Variants in APLP2 observed in about 807,000 individuals in gnomAD.
The protein encoded by APLP2 is amyloid beta precursor like protein 2.
Under a neutral mutation model 89.9 loss-of-function variants are expected in APLP2, and 53 were observed. The observed-to-expected ratio is 0.59, with a 90% CI of 0.47 to 0.74. The LOEUF is 0.74. APLP2 is among the 30% of genes least tolerant of loss of function. The pLI is 0.00. For missense variants in APLP2, 973 were observed against 975.9 expected, an observed-to-expected ratio of 1.00 and a Z score of 0.04; for synonymous variants, 372 against 348.6, an observed-to-expected ratio of 1.07 and a Z score of -0.75.
intron 1 of APLP2, among the ~76,000 whole-genome samples, chr11:130,093,181 C>T (rs373864001): frequency 2.6e-5 from 4 of 152,194 alleles, no homozygotes; most frequent in East Asian, 3.8e-4. Flanking sequence ...AGGCAAAGGC[C>T]GCTCTTGACC....
chr11:130,108,733 G>A (rs762191430), intron 1 of APLP2: 3 of 152,204 alleles, frequency 2.0e-5, no homozygotes, highest in Non-Finnish European at 4.4e-5. Context: ...TATAAATCAT[G>A]CTGCTATAAA....
rs189678200 is a variant in APLP2, at chr11:130,131,211, G to C, written c.1584+1045G>C. Among the ~76,000 whole-genome samples, 4 of 152,274 alleles carry C rather than the reference G, an allele frequency of 2.6e-5. No homozygotes were observed. The East Asian group carries it at 5.8e-4, about 22-fold the overall frequency. On this transcript the variant is annotated intron_variant, in intron 11 of 16. Coordinates refer to ENST00000338167, the MANE Select transcript of APLP2 (RefSeq NM_001142276.2). ...CCTCCCGGGTTCAAATGATTCTCTT[G>C]CTTCAGCCTCCCAAGTAGCTGGGAT...
intron 3 of APLP2, among the ~76,000 whole-genome samples, chr11:130,117,008 G>A (rs561790009): frequency 5.9e-5 from 9 of 152,146 alleles, no homozygotes; most frequent in Middle Eastern, 3.4e-3. Flanking sequence ...GCGAACGCCT[G>A]TAATGTCAGT....
intron 1 of APLP2, among the ~76,000 whole-genome samples, chr11:130,079,087 A>C (rs560759135): frequency 6.6e-6 from 1 of 150,630 alleles, no homozygotes; most frequent in African/African-American, 2.4e-5. Context: ...TATTTTTTTT[A>C]TTTATTTATT....
chr11:130,102,937 A>G (rs190327556), intron 1 of APLP2, among the ~76,000 whole-genome samples: 73 of 152,326 alleles, frequency 4.8e-4, no homozygotes, highest in Non-Finnish European at 7.6e-4. Flanking sequence ...TTGTTTTCCA[A>G]GCCTTAAAAG....
intron 1 of APLP2, among the ~76,000 whole-genome samples, chr11:130,099,138 C>T (rs1946585323): frequency 6.6e-6 from 1 of 152,152 alleles, no homozygotes; most frequent in Non-Finnish European, 1.5e-5. Flanking sequence ...GGCCTCCTGC[C>T]TTCCTGACCT....
At position 130,126,706 on chromosome 11, in the gene APLP2, C is replaced by T. The variant is rs1950406586; in HGVS notation, c.1097C>T (p.Pro366Leu). Residue 366 changes from proline to leucine, a missense_variant, in exon 8 of 17, where the codon CCA becomes CTA. Pro to Leu is a moderately conservative substitution (Grantham distance 98, BLOSUM62 -3). Coordinates refer to ENST00000338167, the MANE Select transcript of APLP2 (RefSeq NM_001142276.2). The part of the protein sequence containing the change: ...CMAVCKAMIP[P>L]TPLPTNDVDV... ...CTCTGTAATTTTGTTTCAGTTCCTCCAACTCCTCTGCCAACCAATGATGTT... is the reference window on the plus strand; with the variant it reads ...CTCTGTAATTTTGTTTCAGTTCCTCTAACTCCTCTGCCAACCAATGATGTT... 5.6e-6 allele frequency: 9 copies of T among 1,613,796 alleles called. No individual in the cohort carries two copies. The highest frequency in any genetic ancestry group is 7.6e-6 in the Non-Finnish European group (9 of 1,179,796).
At chr11:130,100,111 G>A (rs1946709070) in intron 1 of APLP2, among the ~76,000 whole-genome samples, 1 of 152,242 alleles carries the variant, frequency 6.6e-6, no homozygotes, top group South Asian at 2.1e-4. Flanking sequence ...GCACTGATGT[G>A]TAGTTATTAT....
rs144155839 is a variant in APLP2 at position 130,101,843 on chromosome 11, G to A, written c.106-7586G>A. On this transcript the variant is annotated intron_variant, in intron 1 of 16. Transcript: ENST00000338167. ...TACAGACCTTATTCAAATAATTGCTGCAGTTTTTCCACTAATGTCCTTTTC... is the reference window on the plus strand; with the variant it reads ...TACAGACCTTATTCAAATAATTGCTACAGTTTTTCCACTAATGTCCTTTTC... 588 of 432,176 alleles carry A rather than the reference G, an allele frequency of 1.4e-3. 1 individual carries two copies. Among genetic ancestry groups the A allele is most frequent in the African/African-American group, 8.3e-3 (404 of 48,824 alleles). The allele number at this position is 432,176 out of a possible 1,614,324, so 26.8% of individuals were successfully genotyped here. A position where few individuals can be genotyped will look rare whatever the true frequency, so the allele number is the denominator to read the frequency against.
In APLP2 at chr11:130,141,914, C is replaced by A; in HGVS notation, c.1999-5C>A. The A allele has an allele frequency of 1.9e-6, 3 of 1,596,430 alleles. No homozygotes were observed. The highest frequency in any genetic ancestry group is 2.3e-5 in the East Asian group (1 of 44,332). On this transcript the variant is annotated splice_polypyrimidine_tract_variant and splice_region_variant and intron_variant, in intron 15 of 16. Transcript: ENST00000338167. This position sits in a 1 kb window ranked among gnomAD's most constrained non-coding sequence, Gnocchi z 4.2. The stretch of plus-strand genomic sequence containing the variant: ...ACTTTTTTCCACGTCTGCTTTATTA[C>A]GTAGGAATCCGTGGGCCCACTGCGG...
At chr11:130,128,648 A>G (rs761666516) in intron 9 of APLP2, among the ~76,000 whole-genome samples, 3 of 152,182 alleles carry the variant, frequency 2.0e-5, no homozygotes, top group Non-Finnish European at 2.9e-5. Flanking sequence ...GAATACTTCA[A>G]CAGAACTTAC....
chr11:130,100,353 TC>T (rs1272889054), intron 1 of APLP2: 1 of 152,118 alleles, frequency 6.6e-6, no homozygotes, highest in African/African-American at 2.4e-5. Context: ...TTCATGGACT[TC>T]CTATTTTATA....
intron 7 of APLP2, 68 bp from the exon 8 acceptor site, chr11:130,126,632 C>G: frequency 6.3e-7 from 1 of 1,585,794 alleles, no homozygotes; most frequent in Non-Finnish European, 8.6e-7. Flanking sequence ...AGGTCCTGAG[C>G]TGGGTTTTCT....
intron 1 of APLP2, chr11:130,100,226 G>A (rs369848958): frequency 1.3e-5 from 2 of 152,360 alleles, no homozygotes; most frequent in East Asian, 3.9e-4. Context: ...GTCATGGTGT[G>A]TCTGCGCCTT....
Position 130,104,376 on chromosome 11 carries a change from G to T in APLP2, c.106-5053G>T, listed in dbSNP as rs528802519. On this transcript the variant is annotated intron_variant, in intron 1 of 16. Coordinates refer to ENST00000338167, the MANE Select transcript of APLP2 (RefSeq NM_001142276.2). The stretch of plus-strand genomic sequence containing the variant: ...TAGGACCATAGGCACGCGCCCCCAT[G>T]CCTGGCTAATTTTTGTATTTTTAGT... Among the ~76,000 whole-genome samples the T allele has an allele frequency of 3.3e-5, 5 of 151,746 alleles. No homozygotes were observed. In the East Asian group the frequency reaches 9.7e-4, roughly 29 times the overall value.
intron 1 of APLP2, chr11:130,108,605 G>T (rs998204455): frequency 6.6e-6 from 1 of 152,202 alleles, no homozygotes; most frequent in Non-Finnish European, 1.5e-5. Context: ...TACACTGTTG[G>T]TGGGACTCTA....
At chr11:130,095,786 T>G (rs1164819173) in intron 1 of APLP2, among the ~76,000 whole-genome samples, 1 of 152,234 alleles carries the variant, frequency 6.6e-6, no homozygotes, top group Non-Finnish European at 1.5e-5. Context: ...ACTGTTGATT[T>G]AGAAATACCT....
chr11:130,115,890 A>G (rs1949103747), intron 3 of APLP2, among the ~76,000 whole-genome samples: 2 of 152,220 alleles, frequency 1.3e-5, no homozygotes, highest in Non-Finnish European at 1.5e-5. Context: ...TTATTTTTCA[A>G]TAAAAGAAGT....
rs117996470 is a variant in APLP2, at chr11:130,075,149, T to C, written c.105+5067T>C. On this transcript the variant is annotated intron_variant, in intron 1 of 16. Coordinates refer to ENST00000338167, the MANE Select transcript of APLP2 (RefSeq NM_001142276.2). ...TCTTACCTAAGCATCGTGAAGTCTT[T>C]ATTTTTATTTTTTATTTTTTGAGAC... 6.1e-4 allele frequency among the ~76,000 whole-genome samples: 93 copies of C among 152,306 alleles called. No individual in the cohort carries two copies. The East Asian group carries it at 0.017, about 28-fold the overall frequency.
Sources: allele counts gnomAD v4.1 joint callset (sites outside exome capture counted in the v4.1 genomes callset), GRCh38; gene constraint gnomAD v4.1.1; non-coding constraint Gnocchi (gnomAD v3.1); transcripts MANE v1.5; gene names NCBI Gene and HGNC (gene_info 2026-07-23, HGNC 2026-07-21).